Variants in PTPRS observed in about 807,000 individuals in gnomAD.
PTPRS encodes the protein protein tyrosine phosphatase receptor type S.
Under a neutral mutation model 215.3 loss-of-function variants are expected in PTPRS, and 63 were observed. The observed-to-expected ratio is 0.29, with a 90% confidence interval of 0.24 to 0.36. The LOEUF is 0.36. Ranked by LOEUF, PTPRS falls within the 10% of genes least tolerant of loss-of-function variation. PTPRS has a pLI of 1.00. For missense variants in PTPRS, 2,258 were observed against 2,825.8 expected (o/e 0.80, Z 4.56); for synonymous variants, 1,404 against 1,191.4 (o/e 1.18, Z -3.68).
chr19:5,338,951 C>A lies in PTPRS; in HGVS notation c.-95+1713G>T, dbSNP rs905645473. 6.6e-6 allele frequency among the ~76,000 whole-genome samples: 1 copy of A among 152,150 alleles called. No homozygotes were observed. Among genetic ancestry groups the A allele is most frequent in the Non-Finnish European group, 1.5e-5 (1 of 68,026 alleles). On this transcript the variant is annotated intron_variant, in intron 1 of 37. Transcript: ENST00000262963. The surrounding 1 kb of genome is among the most constrained non-coding windows in gnomAD (Gnocchi z 4.2). The stretch of plus-strand genomic sequence containing the variant: ...GGGCCACCCAGAGGAGGCCAGAATC[C>A]CAGCAGCCAAAGTCCGGGTGGTGGC...
chr19:5,239,671 GGAGA>G (rs958437876), intron 12 of PTPRS, among the ~76,000 whole-genome samples: 3 of 150,758 alleles, frequency 2.0e-5, no homozygotes, highest in African/African-American at 4.9e-5. Flanking sequence ...GAGAAAGAGA[GGAGA>G]GAGAGACAGA....
At chr19:5,214,533 C>G (rs757799781) in intron 29 of PTPRS, 28 bp downstream of exon 29, 8 of 1,612,336 alleles carry the variant, frequency 5.0e-6, no homozygotes, top group Non-Finnish European at 6.8e-6. Flanking sequence ...CTGGCAGGGG[C>G]TTGAGGGCCG....
intron 1 of PTPRS, among the ~76,000 whole-genome samples, chr19:5,289,575 T>TC (rs2048642179): frequency 6.6e-6 from 1 of 151,582 alleles, no homozygotes; most frequent in African/African-American, 2.4e-5. Flanking sequence ...CTCCGTGCCC[T>TC]CCCCTCCTCC....
chr19:5,309,444 CTG>C (rs2147143187), intron 1 of PTPRS, among the ~76,000 whole-genome samples: 1 of 152,276 alleles, frequency 6.6e-6, no homozygotes, highest in South Asian at 2.1e-4. Flanking sequence ...GATGGGGAAA[CTG>C]AGGCTGAGGA....
At chr19:5,314,020 C>T (rs1312680247) in intron 1 of PTPRS, among the ~76,000 whole-genome samples, 1 of 151,464 alleles carries the variant, frequency 6.6e-6, no homozygotes, top group Non-Finnish European at 1.5e-5. Flanking sequence ...GTCTGTAGTC[C>T]CAGCTACTCA....
chr19:5,229,228 T>A (rs913044278), intron 16 of PTPRS, 88 bp downstream of exon 16: 2 of 1,278,510 alleles, frequency 1.6e-6, no homozygotes, highest in Admixed American at 7.5e-5. Context: ...GTTTTACTAC[T>A]GATGATAAGG....
In PTPRS at chr19:5,244,262, C is replaced by T. The variant is rs765664759; in HGVS notation, c.1209G>A (p.Ser403=). ...SPNSEYEIWV[S]AVNSIGQGPP... is the part of the protein sequence containing the mutation. Reference sequence around the variant, plus strand: ...GCCCCTGGCCGATGGAGTTGACGGCCGACACCCAGATCTCGTACTCCGAGT... The same window carrying T: ...GCCCCTGGCCGATGGAGTTGACGGCTGACACCCAGATCTCGTACTCCGAGT... The change falls in exon 11 of 38, where the codon TCG becomes TCA. Residue 403 remains serine, a synonymous_variant. Transcript: ENST00000262963. This position sits in a 1 kb window ranked among gnomAD's most constrained non-coding sequence, Gnocchi z 7.2. The T allele has an allele frequency of 7.4e-6, 12 of 1,613,882 alleles. No homozygotes were observed. Among genetic ancestry groups the T allele is most frequent in the South Asian group, 2.2e-5 (2 of 91,046 alleles).
rs115348766 is a variant in PTPRS, at chr19:5,230,722, G to T, written c.2155+588C>A. The stretch of plus-strand genomic sequence containing the variant: ...ATGATCCTCCTGCCTTGGCCTCTCA[G>T]AGTGCTGGGATTACAGGCATGAGCC... On this transcript the variant is annotated intron_variant, in intron 14 of 37. Coordinates refer to ENST00000262963, the MANE Select transcript of PTPRS (RefSeq NM_002850.4). 5.4e-3 allele frequency among the ~76,000 whole-genome samples: 819 copies of T among 152,226 alleles called. 9 individuals are homozygous for T. The highest frequency in any genetic ancestry group is 0.019 in the African/African-American group (798 of 41,504).
At position 5,240,232 on chromosome 19, in the gene PTPRS, C is replaced by G. The variant is rs1364775813; in HGVS notation, c.1671G>C (p.Glu557Asp). The change falls in exon 12 of 38, where the codon GAG becomes GAC. Residue 557 changes from glutamate (E) to aspartate (D), a missense_variant. By Grantham distance (45) the Glu-to-Asp change is conservative. This residue lies in a region of PTPRS where 508 missense variants were observed against 799.4 expected (regional missense o/e 0.64). Transcript: ENST00000262963. The stretch of plus-strand genomic sequence containing the variant: ...CATGGTCGCCTTCCCGGAAGAGGAG[C>G]TCGTACTTGATGATACTCTCCTGCC... ...PPRQESIIKY[E>D]LLFREGDHGR... The G allele has an allele frequency of 6.4e-7, 1 of 1,562,582 alleles. No individual in the cohort carries two copies. Among genetic ancestry groups the G allele is most frequent in the East Asian group, 2.4e-5 (1 of 42,246 alleles).
At chr19:5,242,634 C>T (rs753194031) in intron 11 of PTPRS, among the ~76,000 whole-genome samples, 5 of 152,006 alleles carry the variant, frequency 3.3e-5, no homozygotes, top group Non-Finnish European at 5.9e-5. Flanking sequence ...CCGCCTCAGC[C>T]TCCTGAAGTG....
intron 1 of PTPRS, among the ~76,000 whole-genome samples, chr19:5,325,623 A>G (rs1215602161): frequency 6.6e-6 from 1 of 152,228 alleles, no homozygotes; most frequent in East Asian, 1.9e-4. Context: ...GGCTCTGCCC[A>G]AGGCGTCCCC....
intron 19 of PTPRS, among the ~76,000 whole-genome samples, 160 bp downstream of exon 19, chr19:5,221,963 T>C (rs1351606580): frequency 6.6e-6 from 1 of 152,106 alleles, no homozygotes; most frequent in Non-Finnish European, 1.5e-5. Flanking sequence ...GCCCCAAGTC[T>C]GATTCCCAGT....
chr19:5,218,450 C>T lies in PTPRS; in HGVS notation c.4018G>A (p.Glu1340Lys). Residue 1340 changes from glutamate to lysine, a missense_variant, in exon 25 of 38, where the codon GAA (glutamate) becomes AAA (lysine). Glu to Lys is a moderately conservative substitution (Grantham distance 56). This residue lies in a region of PTPRS where 927 missense variants were observed against 1,125.9 expected (regional missense o/e 0.82). Coordinates refer to ENST00000262963, the MANE Select transcript of PTPRS (RefSeq NM_002850.4). Reference sequence around the variant, plus strand: ...GTCTGGAAGTTAATGCGTCTCATTTCCACAGGGTCCTTGGGGTGGTGAGGG... The same window carrying T: ...GTCTGGAAGTTAATGCGTCTCATTTTCACAGGGTCCTTGGGGTGGTGAGGG... ...LAPHHPKDPV[E>K]MRRINFQTPD... 6.2e-7 allele frequency: 1 copy of T among 1,613,956 alleles called. No individual in the cohort carries two copies. The highest frequency in any genetic ancestry group is 8.5e-7 in the Non-Finnish European group (1 of 1,179,980).
At chr19:5,268,380 T>G (rs1351902308) in intron 4 of PTPRS, among the ~76,000 whole-genome samples, 2 of 151,846 alleles carry the variant, frequency 1.3e-5, no homozygotes, top group East Asian at 4.0e-4. Flanking sequence ...ACAATGTTTC[T>G]GTTTGTTTAA....
chr19:5,307,918 A>G (rs1414545237), intron 1 of PTPRS, among the ~76,000 whole-genome samples: 1 of 152,148 alleles, frequency 6.6e-6, no homozygotes, highest in East Asian at 1.9e-4. Flanking sequence ...GGCTGCTTTC[A>G]CGCTCCAATG....
intron 1 of PTPRS, among the ~76,000 whole-genome samples, chr19:5,289,616 G>T (rs964558991): frequency 1.3e-5 from 2 of 151,924 alleles, no homozygotes; most frequent in Admixed American, 6.6e-5. Flanking sequence ...TGCTCCAGCC[G>T]CATGGGCCTC....
intron 13 of PTPRS, among the ~76,000 whole-genome samples, chr19:5,233,315 A>G (rs2043171471): frequency 6.6e-6 from 1 of 151,442 alleles, no homozygotes; most frequent in Non-Finnish European, 1.5e-5. Context: ...AACACCTACT[A>G]TGTGCCAGGT....
Position 5,212,119 on chromosome 19 carries a change from G to A in PTPRS, c.4901C>T (p.Thr1634Met), listed in dbSNP as rs529643294. 31 of 1,613,994 alleles carry A rather than the reference G, an allele frequency of 1.9e-5. No individual in the cohort carries two copies. Among genetic ancestry groups the A allele is most frequent in the Non-Finnish European group, 2.5e-5 (30 of 1,180,058 alleles). Residue 1634 changes from threonine (T) to methionine (M), a missense_variant, in exon 32 of 38, where the codon ACG becomes ATG. Physicochemically the swap from Thr to Met is moderately conservative, Grantham distance 81. Coordinates refer to ENST00000262963, the MANE Select transcript of PTPRS (RefSeq NM_002850.4). ...MRSQRNYMVQ[T>M]EDQYSFIHEA... is the part of the protein sequence containing the mutation. ...GTGGATGAAGCTGTACTGGTCCTCC[G>A]TCTGCACCATGTAGTTGCGCTGGGA...
chr19:5,284,252 C>G (rs1452157677), intron 2 of PTPRS, among the ~76,000 whole-genome samples: 1 of 151,342 alleles, frequency 6.6e-6, no homozygotes, highest in Admixed American at 6.6e-5. Flanking sequence ...CCCAGCTACT[C>G]GGGAGGCTGA....
Sources: allele counts gnomAD v4.1 joint callset (sites outside exome capture counted in the v4.1 genomes callset), GRCh38; gene constraint gnomAD v4.1.1; regional missense constraint gnomAD v4.1.1; non-coding constraint Gnocchi (gnomAD v3.1); transcripts MANE v1.5; gene names NCBI Gene and HGNC (gene_info 2026-07-23, HGNC 2026-07-21).